Variants in KRAS observed in about 807,000 individuals in gnomAD.
KRAS encodes the protein GTPase KRas.
In KRAS, 1 loss-of-function variant was observed where a neutral mutation model predicts 21.0. That is an observed-to-expected ratio of 0.05 (90% CI 0.02 to 0.23). The LOEUF (loss-of-function observed/expected upper bound fraction) is 0.23, where lower values mean the gene tolerates loss of function less well. Among genes scored for constraint, KRAS ranks in the 10% least tolerant of loss-of-function variants. The pLI is 1.00. For synonymous variants in KRAS, 67 were observed against 72.5 expected, an observed-to-expected ratio of 0.92 and a Z score of 0.39; for missense variants, 107 against 221.8, an observed-to-expected ratio of 0.48 and a Z score of 3.29.
At chr12:25,249,441 A>C (rs896330743) in intron 1 of KRAS, among the ~76,000 whole-genome samples, 6 of 150,908 alleles carry the variant, frequency 4.0e-5, no homozygotes, top group African/African-American at 1.2e-4. Context: ...AAATACAAAA[A>C]TTAGCTGGGC....
At chr12:25,245,880 A>G (rs1951673010) in intron 1 of KRAS, among the ~76,000 whole-genome samples, 1 of 152,224 alleles carries the variant, frequency 6.6e-6, no homozygotes, top group South Asian at 2.1e-4. Flanking sequence ...TGCAACAGCT[A>G]CAGAAAAACT....
At chr12:25,220,917 C>T (rs1376740303) in intron 4 of KRAS, among the ~76,000 whole-genome samples, 2 of 149,224 alleles carry the variant, frequency 1.3e-5, no homozygotes, top group South Asian at 2.1e-4. Flanking sequence ...CCCAGCTGCT[C>T]GGGAGGCTGA....
intron 1 of KRAS, among the ~76,000 whole-genome samples, chr12:25,249,028 T>C (rs1425494978): frequency 1.3e-5 from 2 of 152,234 alleles, no homozygotes; most frequent in Non-Finnish European, 2.9e-5. Flanking sequence ...TATAACTTAT[T>C]TGTAAAATGA....
At chr12:25,227,812 C>T (rs1293830191) in intron 2 of KRAS, among the ~76,000 whole-genome samples, 1 of 152,110 alleles carries the variant, frequency 6.6e-6, no homozygotes. Flanking sequence ...AAGTTAAACA[C>T]AGAATTACCA....
intron 4 of KRAS, 94 bp downstream of exon 4, chr12:25,225,520 T>C: frequency 8.2e-7 from 1 of 1,223,952 alleles, no homozygotes; most frequent in South Asian, 1.2e-5. Context: ...TATTTCCTAG[T>C]ATAGCATAAT....
Position 25,227,321 on chromosome 12 carries a change from C to G in KRAS, c.203G>C (p.Arg68Thr), listed in dbSNP as rs2141509873. 2 of 1,613,684 alleles carry G rather than the reference C, an allele frequency of 1.2e-6. No individual in the cohort carries two copies. The highest frequency in any genetic ancestry group is 2.2e-5 in the East Asian group (1 of 44,872). The change falls in exon 3 of 5, where the codon AGG (arginine) becomes ACG (threonine). Residue 68 changes from arginine (R) to threonine (T), a missense_variant. By Grantham distance (71) the Arg-to-Thr change is moderately conservative (BLOSUM62 -1). Transcript: ENST00000311936. The stretch of plus-strand genomic sequence containing the variant: ...CTCCCCAGTCCTCATGTACTGGTCC[C>G]TCATTGCACTGTACTCCTCTTGACC... Reference protein sequence around the residue: ...TAGQEEYSAMRDQYMRTGEGF... With the variant: ...TAGQEEYSAMTDQYMRTGEGF...
At chr12:25,239,463 T>C (rs1951583706) in intron 2 of KRAS, among the ~76,000 whole-genome samples, 1 of 152,194 alleles carries the variant, frequency 6.6e-6, no homozygotes, top group Non-Finnish European at 1.5e-5. Flanking sequence ...ATTCCACAAA[T>C]AAGGAAACCT....
intron 4 of KRAS, among the ~76,000 whole-genome samples, chr12:25,217,100 C>T (rs1258732643): frequency 6.6e-6 from 1 of 152,034 alleles, no homozygotes; most frequent in Non-Finnish European, 1.5e-5. Flanking sequence ...ACAAAGTGGA[C>T]CTAGCACCTA....
At chr12:25,230,988 G>GAGCAA (rs1406971287) in intron 2 of KRAS, among the ~76,000 whole-genome samples, 1 of 151,790 alleles carries the variant, frequency 6.6e-6, no homozygotes, top group Non-Finnish European at 1.5e-5. Flanking sequence ...CAGGAGGTGG[G>GAGCAA]AGCAAAGCAC....
rs1442685493 is a variant in KRAS, at chr12:25,213,681, TAAAG to T, written c.451-3774_451-3771del. On this transcript the variant is annotated intron_variant, in intron 4 of 4. Transcript: ENST00000311936. ...TGGGAAATACCTAAAATTCATGTAATAAAGAACACCAACTTGTAATAAATATAAT... is the reference window on the plus strand; with the variant it reads ...TGGGAAATACCTAAAATTCATGTAATAACACCAACTTGTAATAAATATAAT... 3.3e-5 allele frequency among the ~76,000 whole-genome samples: 5 copies of T among 152,314 alleles called. No homozygotes were observed. The East Asian group carries it at 7.7e-4, about 23-fold the overall frequency.
At chr12:25,211,526 C>T (rs1370003664) in intron 4 of KRAS, among the ~76,000 whole-genome samples, 2 of 151,622 alleles carry the variant, frequency 1.3e-5, no homozygotes, top group Non-Finnish European at 2.9e-5. Context: ...TGCAGTGAGC[C>T]GAGATAGCAC....
At position 25,208,178 on chromosome 12, in the gene KRAS, AACT is replaced by A. The variant is rs946847796; in HGVS notation, c.*1614_*1616del. ...AAATTACATAGTTGTAAAAAAAAAA[AACT>A]AAGAGTTTGAGATGACTTCTTTTAA... is the stretch of plus-strand genomic sequence containing the variant. On this transcript the variant is annotated 3_prime_UTR_variant, in exon 5 of 5. Coordinates refer to ENST00000311936, the MANE Select transcript of KRAS (RefSeq NM_004985.5). 2.6e-5 allele frequency: 6 copies of A among 232,792 alleles called. No individual in the cohort carries two copies. The highest frequency in any genetic ancestry group is 5.1e-5 in the Non-Finnish European group (6 of 117,730). 14.4% of individuals were successfully genotyped at this position (232,792 alleles called of 1,614,324 possible).
intron 4 of KRAS, among the ~76,000 whole-genome samples, chr12:25,215,852 C>T (rs535235311): frequency 6.6e-6 from 1 of 152,228 alleles, no homozygotes; most frequent in Non-Finnish European, 1.5e-5. Flanking sequence ...ATCTGTTTGT[C>T]AATTAATGCA....
At chr12:25,227,198 C>T (rs1489841147) in intron 3 of KRAS, 36 bp downstream of exon 3, 1 of 1,495,370 alleles carries the variant, frequency 6.7e-7, no homozygotes, top group Non-Finnish European at 9.3e-7. Context: ...ATAATTACTC[C>T]TTAATGTCAG....
At chr12:25,231,953 G>A (rs1393520701) in intron 2 of KRAS, among the ~76,000 whole-genome samples, 1 of 152,026 alleles carries the variant, frequency 6.6e-6, no homozygotes, top group Non-Finnish European at 1.5e-5. Context: ...TTCAGGTCAG[G>A]CCATAAGAAA....
At chr12:25,220,063 C>T (rs1295230096) in intron 4 of KRAS, among the ~76,000 whole-genome samples, 3 of 152,172 alleles carry the variant, frequency 2.0e-5, no homozygotes, top group Non-Finnish European at 2.9e-5. Context: ...ACAGATACCC[C>T]GAAAACTCTG....
At chr12:25,249,555 G>GCA (rs548618350) in intron 1 of KRAS, among the ~76,000 whole-genome samples, 98 of 140,658 alleles carry the variant, frequency 7.0e-4, no homozygotes, top group Middle Eastern at 4.0e-3. Flanking sequence ...CCGCGCCATT[G>GCA]CACTCCAGCC....
At chr12:25,213,343 C>T (rs1391147307) in intron 4 of KRAS, among the ~76,000 whole-genome samples, 3 of 151,988 alleles carry the variant, frequency 2.0e-5, no homozygotes, top group African/African-American at 7.3e-5. Flanking sequence ...AATGGTGAGA[C>T]AATAGGAGGA....
At position 25,208,255 on chromosome 12, in the gene KRAS, A is replaced by G. The variant is rs61764366; in HGVS notation, c.*1540T>C. 3.0e-3 allele frequency: 709 copies of G among 233,408 alleles called. 9 individuals are homozygous for G. The highest frequency in any genetic ancestry group is 0.015 in the African/African-American group (662 of 45,440). 14.5% of individuals were successfully genotyped at this position (233,408 alleles called of 1,614,324 possible). On this transcript the variant is annotated 3_prime_UTR_variant, in exon 5 of 5. Coordinates refer to ENST00000311936, the MANE Select transcript of KRAS (RefSeq NM_004985.5). The stretch of plus-strand genomic sequence containing the variant: ...ATGTCCTCAAAATCAGAGTCCTAAA[A>G]GACACCTATCTAGAACCTAAGTCAC...
Sources: allele counts gnomAD v4.1 joint callset (sites outside exome capture counted in the v4.1 genomes callset), GRCh38; gene constraint gnomAD v4.1.1; transcripts MANE v1.5; gene names NCBI Gene and HGNC (gene_info 2026-07-23, HGNC 2026-07-21).